Variants in KCNIP4 observed in about 807,000 individuals in gnomAD.
KCNIP4 encodes Kv channel-interacting protein 4.
KCNIP4 carries 12 observed loss-of-function variants against 34.0 expected under a neutral mutation model. The ratio of observed to expected loss-of-function variants is 0.35; its 90% CI spans 0.23 to 0.57. The LOEUF (loss-of-function observed/expected upper bound fraction) is 0.57, where lower values mean the gene tolerates loss of function less well. Ranked by LOEUF, KCNIP4 falls within the 20% of genes least tolerant of loss-of-function variation. KCNIP4 has a pLI of 0.83. For synonymous variants in KCNIP4, 124 were observed against 102.2 expected (o/e 1.21, Z -1.29); for missense variants, 238 against 311.7 (o/e 0.76, Z 1.78).
At chr4:21,733,486 A>G (rs1715760709) in intron 1 of KCNIP4, among the ~76,000 whole-genome samples, 1 of 152,202 alleles carries the variant, frequency 6.6e-6, no homozygotes. Context: ...TGTGGAGCAT[A>G]TATTGGGACA....
At chr4:21,155,857 T>C (rs1753109333) in intron 1 of KCNIP4, among the ~76,000 whole-genome samples, 1 of 152,204 alleles carries the variant, frequency 6.6e-6, no homozygotes, top group African/African-American at 2.4e-5. Context: ...ATTTCTGCTC[T>C]TATAATGTTT....
intron 1 of KCNIP4, among the ~76,000 whole-genome samples, chr4:21,893,233 C>A (rs1351795662): frequency 6.6e-6 from 1 of 152,124 alleles, no homozygotes; most frequent in Non-Finnish European, 1.5e-5. Flanking sequence ...AGAACGCCTT[C>A]CTAGTAATAT....
intron 1 of KCNIP4, among the ~76,000 whole-genome samples, chr4:20,911,122 AATT>A (rs1728288439): frequency 6.6e-6 from 1 of 152,196 alleles, no homozygotes; most frequent in African/African-American, 2.4e-5. Flanking sequence ...GTTTTAGCTG[AATT>A]GTCTGTTTCT....
intron 1 of KCNIP4, among the ~76,000 whole-genome samples, chr4:21,761,482 T>C (rs917628535): frequency 6.6e-6 from 1 of 152,152 alleles, no homozygotes; most frequent in Admixed American, 6.6e-5. Context: ...ATTCACTCAG[T>C]TGAACACTAT....
chr4:20,880,648 G>A (rs559797526), intron 2 of KCNIP4, among the ~76,000 whole-genome samples: 1 of 152,200 alleles, frequency 6.6e-6, no homozygotes, highest in Non-Finnish European at 1.5e-5. Flanking sequence ...AGATCCATTT[G>A]AAAGTTACAT....
In KCNIP4 at chr4:21,493,510, T is replaced by TAAACTCCTAC. The variant is rs1732584853; in HGVS notation, c.61+455051_61+455060dup. On this transcript the variant is annotated intron_variant, in intron 1 of 8. Coordinates refer to ENST00000382152, the MANE Select transcript of KCNIP4 (RefSeq NM_025221.6). The stretch of plus-strand genomic sequence containing the variant: ...TATGCTTACATGCATTTGTACCACA[T>TAAACTCCTAC]AAACTCCTACAAACATTTTTAAGGC... 2.6e-5 allele frequency among the ~76,000 whole-genome samples: 4 copies of TAAACTCCTAC among 152,210 alleles called. No homozygotes were observed. The South Asian group carries it at 8.3e-4, about 32-fold the overall frequency.
intron 1 of KCNIP4, among the ~76,000 whole-genome samples, chr4:21,626,787 C>T (rs1234720676): frequency 5.9e-5 from 9 of 152,064 alleles, no homozygotes. Flanking sequence ...TCTTTTTTCC[C>T]ATTGAACGAC....
chr4:20,808,787 T>A (rs1715386197), intron 3 of KCNIP4, among the ~76,000 whole-genome samples: 1 of 152,174 alleles, frequency 6.6e-6, no homozygotes. Context: ...ACACATGAAA[T>A]TAATTAAGAT....
intron 3 of KCNIP4, among the ~76,000 whole-genome samples, chr4:20,789,879 T>G (rs1002428451): frequency 6.6e-6 from 1 of 152,010 alleles, no homozygotes; most frequent in Non-Finnish European, 1.5e-5. Context: ...GGGAAGGGTT[T>G]GTTATACAGC....
chr4:20,962,578 G>T (rs1733952500), intron 1 of KCNIP4, among the ~76,000 whole-genome samples: 1 of 152,138 alleles, frequency 6.6e-6, no homozygotes, highest in Non-Finnish European at 1.5e-5. Flanking sequence ...TACTAACATT[G>T]GGCATGGATG....
chr4:21,080,095 C>A (rs1483032771), intron 1 of KCNIP4, among the ~76,000 whole-genome samples: 1 of 151,860 alleles, frequency 6.6e-6, no homozygotes, highest in African/African-American at 2.4e-5. Flanking sequence ...CATTCTGCAA[C>A]TCATCTCCTG....
intron 1 of KCNIP4, among the ~76,000 whole-genome samples, chr4:21,896,467 G>C (rs1029654712): frequency 2.0e-5 from 3 of 152,082 alleles, no homozygotes; most frequent in African/African-American, 7.2e-5. Flanking sequence ...GCATATTCTA[G>C]GATATGAGAG....
At chr4:20,895,249 C>A (rs890399904) in intron 1 of KCNIP4, among the ~76,000 whole-genome samples, 1 of 152,276 alleles carries the variant, frequency 6.6e-6, no homozygotes, top group African/African-American at 2.4e-5. Context: ...AGCTTCTTAA[C>A]CCATCTTGTC....
At chr4:21,139,237 G>A (rs1751747436) in intron 1 of KCNIP4, among the ~76,000 whole-genome samples, 3 of 152,124 alleles carry the variant, frequency 2.0e-5, no homozygotes, top group Admixed American at 1.3e-4. Flanking sequence ...TGCATTACTC[G>A]TTTCAATTAT....
chr4:20,810,518 T>A (rs1484372755), intron 3 of KCNIP4, among the ~76,000 whole-genome samples: 1 of 152,088 alleles, frequency 6.6e-6, no homozygotes, highest in African/African-American at 2.4e-5. Context: ...TATGTCTGTA[T>A]GAAAAGATGA....
chr4:21,848,947 T>TGTGTGTGTGTGTGC (rs1491090380), intron 1 of KCNIP4: 5 of 6,806 alleles, frequency 7.3e-4, no homozygotes, highest in South Asian at 6.8e-3. Flanking sequence ...TATACATATA[T>TGTGTGTGTGTGTGC]GTGTGTGTGT....
chr4:20,962,021 T>C (rs1320861475), intron 1 of KCNIP4, among the ~76,000 whole-genome samples: 2 of 152,196 alleles, frequency 1.3e-5, no homozygotes, highest in African/African-American at 4.8e-5. Context: ...CACCCTGGCA[T>C]CACTTGACTC....
At chr4:21,653,738 G>T (rs114487831) in intron 1 of KCNIP4, among the ~76,000 whole-genome samples, 2,509 of 152,222 alleles carry the variant, frequency 0.016, 61 homozygotes, top group African/African-American at 0.057. Context: ...TTCAAAGATC[G>T]TAGGAAGTAT....
At chr4:21,715,274 G>T (rs1413582530) in intron 1 of KCNIP4, among the ~76,000 whole-genome samples, 1 of 151,412 alleles carries the variant, frequency 6.6e-6, no homozygotes, top group Admixed American at 6.6e-5. Context: ...TGGGACTACA[G>T]GCGCCCGCCA....
Sources: gnomAD v4.1 joint callset for allele counts (sites outside exome capture counted in the v4.1 genomes callset) on GRCh38, gnomAD v4.1.1 for gene constraint, MANE v1.5 for transcripts, NCBI Gene and HGNC (gene_info 2026-07-23, HGNC 2026-07-21) for gene names.